Variants in ANK2 observed in about 807,000 individuals in gnomAD.
The protein encoded by ANK2 is ankyrin-2.
ANK2 carries 83 observed loss-of-function variants against 360.5 expected under a neutral mutation model. The ratio of observed to expected loss-of-function variants is 0.23; its 90% CI spans 0.19 to 0.28. The LOEUF is 0.28. Among genes scored for constraint, ANK2 ranks in the 10% least tolerant of loss-of-function variants. The pLI, the probability that ANK2 is intolerant of heterozygous loss-of-function variation, is 1.00. For missense variants in ANK2, 4,201 were observed against 4,795.7 expected, an observed-to-expected ratio of 0.88 and a Z score of 3.66; for synonymous variants, 1,740 against 1,759.5, an observed-to-expected ratio of 0.99 and a Z score of 0.28.
At chr4:113,335,749 C>T in intron 29 of ANK2, 97 bp from the exon 30 acceptor site, 1 of 1,298,636 alleles carries the variant, frequency 7.7e-7, no homozygotes, top group East Asian at 2.3e-5. Context: ...TTTGCTGGCA[C>T]TTCTGTTCAT....
intron 2 of ANK2, among the ~76,000 whole-genome samples, chr4:112,962,269 C>G (rs2154261211): frequency 6.6e-6 from 1 of 152,224 alleles, no homozygotes; most frequent in Non-Finnish European, 1.5e-5. Flanking sequence ...ATGTTTAGCT[C>G]TCACTTATAA....
At chr4:112,801,567 A>C in the ANK2 span, among the ~76,000 whole-genome samples, 1 of 152,214 alleles carries the variant, frequency 6.6e-6, no homozygotes, top group African/African-American at 2.4e-5. Flanking sequence ...GATTAGGGCA[A>C]GGCTTCCTGG....
intron 1 of ANK2, among the ~76,000 whole-genome samples, chr4:112,859,914 C>T (rs1198464971): frequency 6.6e-6 from 1 of 152,202 alleles, no homozygotes; most frequent in Admixed American, 6.5e-5. Flanking sequence ...TGTTTGTTGG[C>T]TTTCTAACTC....
chr4:113,126,859 G>A (rs2095692752), intron 1 of ANK2, among the ~76,000 whole-genome samples: 1 of 152,134 alleles, frequency 6.6e-6, no homozygotes, highest in Non-Finnish European at 1.5e-5. Context: ...ATAAGACTTT[G>A]TAATATGCTA....
At chr4:112,827,673 A>T in intron 1 of ANK2, 1 of 663,860 alleles carries the variant, frequency 1.5e-6, no homozygotes, top group South Asian at 2.0e-5. Flanking sequence ...GCATTGTTGC[A>T]CTGTTCTGAA....
Position 113,354,704 on chromosome 4 carries a change from T to G in ANK2, c.6086T>G (p.Val2029Gly). The G allele has an allele frequency of 6.2e-7, 1 of 1,612,888 alleles. No homozygotes were observed. Among genetic ancestry groups the G allele is most frequent in the Non-Finnish European group, 8.5e-7 (1 of 1,179,692 alleles). Residue 2029 changes from valine to glycine, a missense_variant, in exon 38 of 46, where the codon GTA becomes GGA. Physicochemically the swap from Val to Gly is moderately radical, Grantham distance 109. Around this residue, in one of 4 missense-constraint regions of ANK2, gnomAD observed 2,642 missense variants for 2,714.5 expected, o/e 0.97. Coordinates refer to ENST00000357077, the MANE Select transcript of ANK2 (RefSeq NM_001148.6). ...CCACAAGAGAAAGGTAAAGTTCGGG[T>G]AGAAAAAGAAAAGGGGCCGATACTA... Reference protein sequence around the residue: ...KQPQEKGKVRVEKEKGPILTQ... With the variant: ...KQPQEKGKVRGEKEKGPILTQ...
At position 113,017,025 on chromosome 4, in the gene ANK2, A is replaced by G. The variant is rs954149217; in HGVS notation, c.21+112511A>G. 2.6e-5 allele frequency among the ~76,000 whole-genome samples: 4 copies of G among 152,194 alleles called. No individual in the cohort carries two copies. In the South Asian group the frequency reaches 8.3e-4, roughly 32 times the overall value. Reference sequence around the variant, plus strand: ...CGTTCACTTCATTTTTATGCAGTATACACTTAGAAATGTGGTATACCACAT... The same window carrying G: ...CGTTCACTTCATTTTTATGCAGTATGCACTTAGAAATGTGGTATACCACAT... On this transcript the variant is annotated intron_variant, in intron 2 of 30. Coordinates refer to the ANK2 transcript ENST00000503271.
chr4:113,315,762 G>A (rs552234805), intron 24 of ANK2, among the ~76,000 whole-genome samples: 23 of 152,084 alleles, frequency 1.5e-4, no homozygotes, highest in East Asian at 5.8e-4. Flanking sequence ...AGCCAGGCGT[G>A]GTGGCAGGCG....
At chr4:112,860,911 C>G (rs1216366130) in intron 1 of ANK2, among the ~76,000 whole-genome samples, 1 of 152,102 alleles carries the variant, frequency 6.6e-6, no homozygotes, top group South Asian at 2.1e-4. Flanking sequence ...AAACAAACTT[C>G]CTTTGACATG....
chr4:112,724,093 G>A, the ANK2 span, among the ~76,000 whole-genome samples: 20 of 145,504 alleles, frequency 1.4e-4, no homozygotes, highest in African/African-American at 4.8e-4. Context: ...GAGACAGAGT[G>A]TCGCTCTGTC....
chr4:112,858,045 A>G (rs1296009596), intron 1 of ANK2, among the ~76,000 whole-genome samples: 1 of 152,152 alleles, frequency 6.6e-6, no homozygotes, highest in Non-Finnish European at 1.5e-5. Context: ...TTCAAAACAT[A>G]TATATATGTT....
upstream of ANK2, among the ~76,000 whole-genome samples, chr4:112,817,771 T>C (rs1015042563): frequency 1.3e-5 from 2 of 152,182 alleles, no homozygotes; most frequent in African/African-American, 4.8e-5. Flanking sequence ...ATCTTGGCAG[T>C]AGCTTATTCC....
chr4:112,848,570 T>C (rs932377049), intron 1 of ANK2, among the ~76,000 whole-genome samples: 2 of 152,364 alleles, frequency 1.3e-5, no homozygotes, highest in Admixed American at 6.5e-5. Context: ...TACTCTGTAA[T>C]TTTTTGTGTG....
At chr4:112,733,632 A>G in the ANK2 span, among the ~76,000 whole-genome samples, 1 of 152,230 alleles carries the variant, frequency 6.6e-6, no homozygotes, top group African/African-American at 2.4e-5. Context: ...CATTTGTGGA[A>G]TGAATTAAGG....
chr4:112,913,095 A>G (rs908581321), intron 2 of ANK2, among the ~76,000 whole-genome samples: 1 of 152,156 alleles, frequency 6.6e-6, no homozygotes, highest in African/African-American at 2.4e-5. Context: ...AAAAACTCAT[A>G]TTAGCTCCAG....
chr4:112,895,299 C>G (rs1183192863), intron 1 of ANK2, among the ~76,000 whole-genome samples: 1 of 152,136 alleles, frequency 6.6e-6, no homozygotes, highest in Non-Finnish European at 1.5e-5. Context: ...CAATATAGTA[C>G]TTAGGGAGAA....
At chr4:112,987,926 C>A (rs1225487622) in intron 2 of ANK2, among the ~76,000 whole-genome samples, 1 of 152,068 alleles carries the variant, frequency 6.6e-6, no homozygotes, top group Non-Finnish European at 1.5e-5. Context: ...GACCCCAGAA[C>A]TGACAGTATT....
chr4:112,957,675 G>A (rs1227887429), intron 2 of ANK2, among the ~76,000 whole-genome samples: 1 of 138,572 alleles, frequency 7.2e-6, no homozygotes. Flanking sequence ...CGGACGGGGC[G>A]GCTGGCTGGG....
intron 26 of ANK2, among the ~76,000 whole-genome samples, chr4:113,322,192 T>C (rs1161053969): frequency 6.6e-6 from 1 of 152,224 alleles, no homozygotes; most frequent in East Asian, 1.9e-4. Flanking sequence ...TTATTTTACC[T>C]CTATTTTATG....
Sources: gnomAD v4.1 joint callset for allele counts (sites outside exome capture counted in the v4.1 genomes callset) on GRCh38, gnomAD v4.1.1 for gene constraint, gnomAD v4.1.1 regional missense constraint, MANE v1.5 for transcripts, NCBI Gene and HGNC (gene_info 2026-07-23, HGNC 2026-07-21) for gene names.